CNGB3: variants seen among roughly 807,000 people sequenced by gnomAD.
CNGB3 encodes cyclic nucleotide-gated channel beta-3.
CNGB3 carries 86 observed loss-of-function variants against 92.8 expected under a neutral mutation model. The observed-to-expected ratio is 0.93, with a 90% CI of 0.78 to 1.11. The LOEUF (loss-of-function observed/expected upper bound fraction) is 1.11. Ranked by LOEUF, CNGB3 falls within the 50% of genes least tolerant of loss-of-function variation. CNGB3 has a pLI of 0.00. For missense variants in CNGB3, 1,026 were observed against 956.8 expected (o/e 1.07, Z -0.95); for synonymous variants, 333 against 332.7 (o/e 1.00, Z -0.01).
intron 14 of CNGB3, 92 bp downstream of exon 14, chr8:86,611,496 A>C: frequency 1.0e-6 from 1 of 971,950 alleles, no homozygotes; most frequent in Non-Finnish European, 1.7e-6. Context: ...ATTCACCCTG[A>C]ACAAATTTTG....
At chr8:86,602,766 G>T (rs1822332814) in intron 15 of CNGB3, among the ~76,000 whole-genome samples, 1 of 152,102 alleles carries the variant, frequency 6.6e-6, no homozygotes, top group Admixed American at 6.5e-5. Flanking sequence ...CTCCTCTACT[G>T]TATCTTTTCC....
chr8:86,716,393 A>T (rs1269342178), intron 3 of CNGB3, among the ~76,000 whole-genome samples: 1 of 152,214 alleles, frequency 6.6e-6, no homozygotes, highest in Non-Finnish European at 1.5e-5. Flanking sequence ...AATTCATCAC[A>T]AAAATATCAT....
In CNGB3 at chr8:86,578,764, A is replaced by C; in HGVS notation, c.2028T>G (p.Phe676Leu). 1 of 1,613,926 alleles carries C rather than the reference A, an allele frequency of 6.2e-7. No individual in the cohort carries two copies. Among genetic ancestry groups the C allele is most frequent in the Non-Finnish European group, 8.5e-7 (1 of 1,179,992 alleles). Residue 676 changes from phenylalanine (F) to leucine (L), a missense_variant, in exon 17 of 18, where the codon TTT becomes TTG. Transcript: ENST00000320005. ...TTCCTGTGCCTCCTAGGAGAGTTTT[A>C]AACAGTTTGGGTGTCTCTTCTTTCG... The part of the protein sequence containing the change: ...FPPKEETPKL[F>L]KTLLGGTGKA...
chr8:86,688,539 A>T (rs1247909154), intron 3 of CNGB3, among the ~76,000 whole-genome samples: 1 of 151,784 alleles, frequency 6.6e-6, no homozygotes, highest in Non-Finnish European at 1.5e-5. Context: ...ATTTTATTTT[A>T]TTTTTTTGAG....
chr8:86,633,233 C>T (rs1305997613), intron 10 of CNGB3, among the ~76,000 whole-genome samples: 4 of 152,162 alleles, frequency 2.6e-5, no homozygotes, highest in African/African-American at 9.7e-5. Context: ...ACCGGGCCCT[C>T]AGCTGGTATG....
At chr8:86,591,376 C>T (rs1290005344) in intron 15 of CNGB3, among the ~76,000 whole-genome samples, 1 of 152,076 alleles carries the variant, frequency 6.6e-6, no homozygotes, top group Non-Finnish European at 1.5e-5. Flanking sequence ...TGTTCCATTG[C>T]TGGTGATGAG....
chr8:86,667,154 G>A (rs201653965), intron 5 of CNGB3, 21 bp from the exon 6 acceptor site: 2 of 1,599,728 alleles, frequency 1.3e-6, no homozygotes, highest in East Asian at 2.2e-5. Context: ...AGCAAGTGGT[G>A]AAATCCAAAT....
At chr8:86,739,620 G>GTTTTTTTTTTTTTTTTTT in intron 2 of CNGB3, 35 bp downstream of exon 2, 9 of 1,488,502 alleles carry the variant, frequency 6.0e-6, no homozygotes, top group East Asian at 4.8e-5. Context: ...TCACTTTTTA[G>GTTTTTTTTTTTTTTTTTT]TTTTTTTTTT....
chr8:86,702,298 T>C (rs1277414177), intron 3 of CNGB3, among the ~76,000 whole-genome samples: 1 of 152,228 alleles, frequency 6.6e-6, no homozygotes, highest in Non-Finnish European at 1.5e-5. Flanking sequence ...AATCCACTAG[T>C]GGGACAATTC....
At chr8:86,633,034 A>G (rs1822992697) in intron 10 of CNGB3, 141 bp from the exon 11 acceptor site, 1 of 743,488 alleles carries the variant, frequency 1.3e-6, no homozygotes, top group Non-Finnish European at 2.3e-6. Flanking sequence ...ACTGGCAAAC[A>G]GCATGTGTGC....
At chr8:86,587,575 C>A (rs1208034605) in intron 15 of CNGB3, among the ~76,000 whole-genome samples, 1 of 151,858 alleles carries the variant, frequency 6.6e-6, no homozygotes, top group Non-Finnish European at 1.5e-5. Context: ...GTTTTCCCAG[C>A]ACCATTTATT....
chr8:86,657,081 C>G (rs960061587), intron 6 of CNGB3, among the ~76,000 whole-genome samples: 2 of 152,210 alleles, frequency 1.3e-5, no homozygotes, highest in Admixed American at 1.3e-4. Context: ...AGATGGGAGC[C>G]CCCGTGAAGG....
At chr8:86,718,551 A>G (rs1357538343) in intron 3 of CNGB3, among the ~76,000 whole-genome samples, 1 of 152,172 alleles carries the variant, frequency 6.6e-6, no homozygotes, top group Non-Finnish European at 1.5e-5. Flanking sequence ...AAAAAAGTCC[A>G]GGATCAGATG....
intron 12 of CNGB3, among the ~76,000 whole-genome samples, chr8:86,627,277 T>C (rs548189638): frequency 8.3e-4 from 126 of 152,316 alleles, no homozygotes; most frequent in African/African-American, 2.9e-3. Flanking sequence ...AATCATTATC[T>C]GCCTTCGCTA....
intron 3 of CNGB3, among the ~76,000 whole-genome samples, chr8:86,699,817 G>A (rs1227457806): frequency 2.0e-5 from 3 of 152,152 alleles, no homozygotes; most frequent in African/African-American, 7.2e-5. Context: ...TGCAGGTGGT[G>A]AATTCTTTAA....
chr8:86,678,045 A>G (rs897598512), intron 3 of CNGB3, among the ~76,000 whole-genome samples: 4 of 152,152 alleles, frequency 2.6e-5, no homozygotes, highest in African/African-American at 7.2e-5. Context: ...CACTATTTCT[A>G]TCTTGTTGAA....
intron 3 of CNGB3, among the ~76,000 whole-genome samples, chr8:86,723,994 C>T (rs377171471): frequency 6.6e-6 from 1 of 152,032 alleles, no homozygotes; most frequent in Non-Finnish European, 1.5e-5. Flanking sequence ...CACAAGGACA[C>T]GTTGAAGAAA....
chr8:86,742,038 A>G (rs1244613175), intron 1 of CNGB3, among the ~76,000 whole-genome samples: 1 of 152,216 alleles, frequency 6.6e-6, no homozygotes, highest in East Asian at 1.9e-4. Context: ...AGCAAATTGT[A>G]ATAGGACCTG....
At chr8:86,593,797 G>T in intron 15 of CNGB3, 1 of 1,337,886 alleles carries the variant, frequency 7.5e-7, no homozygotes, top group East Asian at 2.5e-5. Flanking sequence ...CCTGGTAGTA[G>T]GGCCGCAGCT....
Sources: allele counts gnomAD v4.1 joint callset (sites outside exome capture counted in the v4.1 genomes callset), GRCh38; gene constraint gnomAD v4.1.1; transcripts MANE v1.5; gene names NCBI Gene and HGNC (gene_info 2026-07-23, HGNC 2026-07-21).